Variants in ERCC6L observed in about 807,000 individuals in gnomAD.
ERCC6L encodes ERCC excision repair 6 like, spindle assembly checkpoint helicase.
A neutral mutation model predicts 20.1 loss-of-function variants in ERCC6L; 7 were observed. That is an observed-to-expected ratio of 0.35 (90% CI 0.20 to 0.65). The LOEUF (loss-of-function observed/expected upper bound fraction) is 0.65. Ranked by LOEUF, ERCC6L falls within the 30% of genes least tolerant of loss-of-function variation. ERCC6L has a pLI of 0.69. For missense variants in ERCC6L, 592 were observed against 892.4 expected, an observed-to-expected ratio of 0.66 and a Z score of 4.29; for synonymous variants, 278 against 331.3, an observed-to-expected ratio of 0.84 and a Z score of 1.75.
At chrX:72,224,843 C>G (rs1024909553) in intron 1 of ERCC6L, among the ~76,000 whole-genome samples, 5 of 111,182 alleles carry the variant, frequency 4.5e-5, no homozygotes, top group African/African-American at 1.6e-4. Context: ...CCACCATTCT[C>G]TAATTCAAAT....
chrX:72,231,188 G>A (rs147114736), intron 1 of ERCC6L, among the ~76,000 whole-genome samples: 2 of 111,895 alleles, frequency 1.8e-5, no homozygotes, highest in Admixed American at 9.5e-5. Context: ...CCATCAACAG[G>A]ATGAATGGAT....
rs376450208 is a variant in ERCC6L, at chrX:72,207,177, A to G, written c.1590T>C (p.Ser530=). The G allele has an allele frequency of 1.2e-5, 15 of 1,209,758 alleles. No individual in the cohort carries two copies. In the African/African-American group the frequency reaches 2.6e-4, roughly 21 times the overall value. ...CTACTTGAGTGGTAAGCAGAAAAACAGAGTAATCTTTATTTTGCTGGAATA... is the reference window on the plus strand; with the variant it reads ...CTACTTGAGTGGTAAGCAGAAAAACGGAGTAATCTTTATTTTGCTGGAATA... ...INLFQQNKDY[S]VFLLTTQVGG... The change falls in exon 2 of 2, where the codon TCT becomes TCC. Residue 530 remains serine, a synonymous_variant. Transcript: ENST00000334463.
chrX:72,235,848 C>A (rs1216279667), intron 1 of ERCC6L, among the ~76,000 whole-genome samples: 1 of 111,784 alleles, frequency 8.9e-6, no homozygotes. Flanking sequence ...TGGATATCCT[C>A]GGGAGGCCAT....
At chrX:72,227,733 C>T (rs1252952951) in intron 1 of ERCC6L, among the ~76,000 whole-genome samples, 1 of 111,721 alleles carries the variant, frequency 9.0e-6, no homozygotes, top group Non-Finnish European at 1.9e-5. Flanking sequence ...CCCCCTCACA[C>T]CTAAATGGAA....
In ERCC6L at chrX:72,210,808, A is replaced by G. The variant is rs144975820; in HGVS notation, c.69-2110T>C. Among the ~76,000 whole-genome samples, 406 of 111,929 alleles carry G rather than the reference A, an allele frequency of 3.6e-3. 2 individuals carry two copies. Among genetic ancestry groups the G allele is most frequent in the African/African-American group, 0.013 (390 of 30,820 alleles). ...CGAGAGTTTACAGTATTCCTTGGAT[A>G]TCACTGCTTTCTGGCTGGGTTAAAC... On this transcript the variant is annotated intron_variant, in intron 1 of 1. Coordinates refer to ENST00000334463, the MANE Select transcript of ERCC6L (RefSeq NM_017669.4).
At chrX:72,213,542 C>T (rs1199211151) in intron 1 of ERCC6L, among the ~76,000 whole-genome samples, 2 of 111,933 alleles carry the variant, frequency 1.8e-5, no homozygotes, top group Non-Finnish European at 1.9e-5. Flanking sequence ...CGCTCACCGT[C>T]CACCACTGCT....
At chrX:72,230,294 A>AC (rs1225680215) in intron 1 of ERCC6L, among the ~76,000 whole-genome samples, 1 of 110,481 alleles carries the variant, frequency 9.1e-6, no homozygotes, top group Non-Finnish European at 1.9e-5. Flanking sequence ...CCCCAAGATA[A>AC]CCCCCCTCTG....
intron 1 of ERCC6L, among the ~76,000 whole-genome samples, chrX:72,222,488 A>G (rs1031897657): frequency 9.0e-6 from 1 of 111,376 alleles, no homozygotes; most frequent in Non-Finnish European, 1.9e-5. Context: ...CAGGCGACAG[A>G]ACCACATGAT....
rs1054753460 is a variant in ERCC6L, at chrX:72,205,495, C to A, written c.3272G>T (p.Arg1091Ile). Reference protein sequence around the residue: ...SSVNKSMNSRRSLASRRSLIN... With the variant: ...SSVNKSMNSRISLASRRSLIN... The stretch of plus-strand genomic sequence containing the variant: ...AAGAGACCTCCTAGAAGCCAGAGAT[C>A]TTCTAGAGTTCATAGACTTATTTAC... The change falls in exon 2 of 2, where the codon AGA (arginine) becomes ATA (isoleucine). Residue 1091 changes from arginine to isoleucine, a missense_variant. Physicochemically the swap from Arg to Ile is moderately conservative, Grantham distance 97. Transcript: ENST00000334463. 2 of 1,211,629 alleles carry A rather than the reference C, an allele frequency of 1.7e-6. No individual in the cohort carries two copies. The highest frequency in any genetic ancestry group is 4.3e-5 in the Admixed American group (2 of 46,017).
Position 72,238,883 on chromosome X carries a change from G to T in ERCC6L, c.29C>A (p.Ala10Asp), listed in dbSNP as rs1417449046. The T allele has an allele frequency of 8.4e-7, 1 of 1,196,067 alleles. No individual in the cohort carries two copies. Among genetic ancestry groups the T allele is most frequent in the African/African-American group, 1.7e-5 (1 of 57,223 alleles). The change falls in exon 1 of 2, where the codon GCC becomes GAC. Residue 10 changes from alanine to aspartate, a missense_variant. This residue lies in a region of ERCC6L where 44 missense variants were observed against 49.8 expected (regional missense o/e 0.88). Coordinates refer to ENST00000334463, the MANE Select transcript of ERCC6L (RefSeq NM_017669.4). ...AGCCTGCTCTGGGCTCAAGGCCTCG[G>T]CTTCCGGAAACCTTCGGGATGCCTC... is the stretch of plus-strand genomic sequence containing the variant. MEASRRFPE[A>D]EALSPEQAAH...
At chrX:72,226,070 C>A (rs758853282) in intron 1 of ERCC6L, among the ~76,000 whole-genome samples, 1 of 111,745 alleles carries the variant, frequency 8.9e-6, no homozygotes, top group South Asian at 3.8e-4. Context: ...CATCCTCCTG[C>A]ATGCAGGCCT....
At chrX:72,224,484 C>T (rs4825952) in intron 1 of ERCC6L, among the ~76,000 whole-genome samples, 46,841 of 110,641 alleles carry the variant, frequency 0.42, 8,921 homozygotes, top group East Asian at 0.98. Flanking sequence ...TCCTGGCTCA[C>T]GCCTGTAATC....
At chrX:72,233,347 G>A (rs1407601607) in intron 1 of ERCC6L, among the ~76,000 whole-genome samples, 6 of 111,568 alleles carry the variant, frequency 5.4e-5, no homozygotes, top group Non-Finnish European at 9.4e-5. Flanking sequence ...TGGAGGGGAG[G>A]GGAGAACTGT....
In ERCC6L at chrX:72,230,815, A is replaced by C. The variant is rs753750644; in HGVS notation, c.68+8029T>G. ...CCCATCTCTACCAAAAATACAAAAA[A>C]TTAGCCAGGCATGGTGGTGTGCACC... On this transcript the variant is annotated intron_variant, in intron 1 of 1. Coordinates refer to ENST00000334463, the MANE Select transcript of ERCC6L (RefSeq NM_017669.4). Among the ~76,000 whole-genome samples the C allele has an allele frequency of 2.7e-5, 3 of 111,142 alleles. No homozygotes were observed. In the East Asian group the frequency reaches 8.5e-4, roughly 32 times the overall value.
At chrX:72,220,579 C>T (rs1297261894) in intron 1 of ERCC6L, among the ~76,000 whole-genome samples, 1 of 110,932 alleles carries the variant, frequency 9.0e-6, no homozygotes, top group African/African-American at 3.3e-5. Context: ...AAGATAACCC[C>T]CCTCTGGCCA....
At chrX:72,223,371 C>T (rs1456447858) in intron 1 of ERCC6L, among the ~76,000 whole-genome samples, 1 of 104,775 alleles carries the variant, frequency 9.5e-6, no homozygotes, top group East Asian at 3.1e-4. Context: ...AGGAAGGTCC[C>T]CAAACATCTC....
At chrX:72,231,630 T>C (rs901416229) in intron 1 of ERCC6L, among the ~76,000 whole-genome samples, 1 of 110,762 alleles carries the variant, frequency 9.0e-6, no homozygotes, top group Non-Finnish European at 1.9e-5. Flanking sequence ...CTCAGGTTAC[T>C]GCAGCCTCCG....
chrX:72,220,151 G>A (rs1302500165), intron 1 of ERCC6L, among the ~76,000 whole-genome samples: 1 of 110,021 alleles, frequency 9.1e-6, no homozygotes, highest in African/African-American at 3.3e-5. Context: ...TAGTTTTTAG[G>A]CATGTTAAAT....
rs1349297208 is a variant in ERCC6L at position 72,206,976 on chromosome X, T to C, written c.1791A>G (p.Arg597=). 1.7e-6 allele frequency: 2 copies of C among 1,211,094 alleles called. No individual in the cohort carries two copies. Among genetic ancestry groups the C allele is most frequent in the Non-Finnish European group, 1.1e-6 (1 of 895,294 alleles). The change falls in exon 2 of 2, where the codon AGA becomes AGG. Residue 597 remains arginine (R), a synonymous_variant. Transcript: ENST00000334463. The stretch of plus-strand genomic sequence containing the variant: ...TTATTAATGAGTCCTTGAAAACCTG[T>C]CTTCTGTATATTTTTTCCTCTACAG... ...CGTVEEKIYR[R]QVFKDSLIRQ...
Sources: gnomAD v4.1 joint callset for allele counts (sites outside exome capture counted in the v4.1 genomes callset) on GRCh38, gnomAD v4.1.1 for gene constraint, gnomAD v4.1.1 regional missense constraint, MANE v1.5 for transcripts, NCBI Gene and HGNC (gene_info 2026-07-23, HGNC 2026-07-21) for gene names.